TRIM2: variants seen among roughly 807,000 people sequenced by gnomAD.
TRIM2 encodes tripartite motif containing 2.
Under a neutral mutation model 75.2 loss-of-function variants are expected in TRIM2, and 20 were observed. The observed-to-expected ratio is 0.27, with a 90% CI of 0.19 to 0.39. The LOEUF (loss-of-function observed/expected upper bound fraction) is 0.39. Ranked by LOEUF, TRIM2 falls within the 10% of genes least tolerant of loss-of-function variation. The probability of loss-of-function intolerance (pLI) is 1.00; values close to 1 mark genes in which losing one functional copy is unlikely to be tolerated. For synonymous variants in TRIM2, 373 were observed against 388.3 expected (o/e 0.96, Z 0.46); for missense variants, 660 against 990.8 (o/e 0.67, Z 4.48).
In TRIM2 at chr4:153,244,415, T is replaced by C. The variant is rs540635795; in HGVS notation, c.31-25920T>C. ...CTTCTTCTTCTTCTTCTTCTTCTTC[T>C]TCTTCTTCTTCTTCTTCTTCTTTTA... On this transcript the variant is annotated intron_variant, in intron 1 of 11. Coordinates refer to ENST00000338700, the MANE Select transcript of TRIM2 (RefSeq NM_015271.5). Among the ~76,000 whole-genome samples, 70 of 98,316 alleles carry C rather than the reference T, an allele frequency of 7.1e-4. 3 individuals are homozygous for C. Among genetic ancestry groups the C allele is most frequent in the Non-Finnish European group, 1.1e-3 (53 of 50,170 alleles). The allele number at this position is 98,316 out of a possible 152,430, so 64.5% of individuals were successfully genotyped here.
At chr4:153,191,863 C>T (rs1344329850) in intron 1 of TRIM2, among the ~76,000 whole-genome samples, 2 of 152,106 alleles carry the variant, frequency 1.3e-5, no homozygotes, top group African/African-American at 4.8e-5. Context: ...GTCATCGTGC[C>T]GCAAGTTAAG....
chr4:153,257,853 A>T (rs892434279), intron 1 of TRIM2: 2 of 340,018 alleles, frequency 5.9e-6, no homozygotes, highest in African/African-American at 4.3e-5. Flanking sequence ...TTCTCCCTTC[A>T]TCTCTCATGG....
At chr4:153,244,363 C>T (rs1748131558) in intron 1 of TRIM2, among the ~76,000 whole-genome samples, 2 of 36,370 alleles carry the variant, frequency 5.5e-5, no homozygotes, top group African/African-American at 4.5e-4. Flanking sequence ...TCCTCTTCTT[C>T]TTCTTCTTCT....
chr4:153,155,600 T>G (rs763487599), intron 1 of TRIM2, among the ~76,000 whole-genome samples: 9 of 152,088 alleles, frequency 5.9e-5, no homozygotes, highest in Non-Finnish European at 1.0e-4. Flanking sequence ...AATGAAAAAC[T>G]TACAAAATGG....
chr4:153,223,093 G>C (rs1243596336), intron 1 of TRIM2: 2 of 152,198 alleles, frequency 1.3e-5, no homozygotes, highest in African/African-American at 2.4e-5. Flanking sequence ...GGCAAGGTCC[G>C]GTGGCCGGAG....
chr4:153,211,295 A>G (rs529659871), intron 1 of TRIM2, among the ~76,000 whole-genome samples: 11 of 152,158 alleles, frequency 7.2e-5, no homozygotes, highest in African/African-American at 2.6e-4. Flanking sequence ...TGTCCTTTCT[A>G]GGAATTGGGG....
intron 1 of TRIM2, among the ~76,000 whole-genome samples, chr4:153,221,172 A>G (rs1739866558): frequency 6.6e-6 from 1 of 152,248 alleles, no homozygotes; most frequent in East Asian, 1.9e-4. Flanking sequence ...AAAGTCATGA[A>G]GTACTGACAC....
intron 11 of TRIM2, among the ~76,000 whole-genome samples, chr4:153,331,457 T>C (rs189916817): frequency 6.6e-6 from 1 of 152,278 alleles, no homozygotes; most frequent in East Asian, 1.9e-4. Flanking sequence ...ATATTCAATA[T>C]TTGTATGCTG....
chr4:153,337,217 A>T lies in TRIM2; in HGVS notation c.*2251A>T, dbSNP rs1772550481. On this transcript the variant is annotated 3_prime_UTR_variant, in exon 12 of 12. Transcript: ENST00000338700. ...TTTTCACAAGTAAAAATGGCTTTTT[A>T]TTTAGATTCTTTCTGTCCCAGGCTG... 1.0e-6 allele frequency: 1 copy of T among 985,482 alleles called. No individual in the cohort carries two copies. The highest frequency in any genetic ancestry group is 1.1e-4 in the East Asian group (1 of 8,822). 61.0% of individuals were successfully genotyped at this position (985,482 alleles called of 1,614,324 possible). A position where few individuals can be genotyped will look rare whatever the true frequency, so the allele number is the denominator to read the frequency against.
intron 1 of TRIM2, among the ~76,000 whole-genome samples, chr4:153,205,561 G>T (rs1057345176): frequency 6.6e-6 from 1 of 152,146 alleles, no homozygotes; most frequent in Non-Finnish European, 1.5e-5. Flanking sequence ...TAAGTTTCTG[G>T]TGAGCCCCGT....
chr4:153,306,986 C>T (rs1765148248), intron 6 of TRIM2, among the ~76,000 whole-genome samples: 3 of 152,190 alleles, frequency 2.0e-5, no homozygotes, highest in African/African-American at 7.2e-5. Context: ...TGCCCTTTAA[C>T]TATTTGGTTT....
intron 1 of TRIM2, among the ~76,000 whole-genome samples, chr4:153,164,526 A>G (rs916459260): frequency 6.6e-6 from 1 of 152,118 alleles, no homozygotes. Context: ...CAAATAAGTA[A>G]TATATTTACA....
chr4:153,239,215 C>G (rs4696177), intron 1 of TRIM2, among the ~76,000 whole-genome samples: 45,072 of 151,608 alleles, frequency 0.3, 9,648 homozygotes, highest in African/African-American at 0.61. Flanking sequence ...AGCCAGGCGT[C>G]GTGGCGGGCA....
intron 1 of TRIM2, among the ~76,000 whole-genome samples, chr4:153,244,251 CTTT>C (rs1224921139): frequency 5.1e-4 from 39 of 76,964 alleles, no homozygotes; most frequent in East Asian, 1.7e-3. Flanking sequence ...CCTTCCTCTT[CTTT>C]CCTCCTCCTC....
intron 1 of TRIM2, among the ~76,000 whole-genome samples, chr4:153,213,363 A>AT (rs1004299039): frequency 6.6e-6 from 1 of 152,224 alleles, no homozygotes; most frequent in East Asian, 1.9e-4. Context: ...ACTTGTTTCA[A>AT]TTTTTTTCTA....
At chr4:153,260,697 C>CA (rs1560902857) in intron 1 of TRIM2, among the ~76,000 whole-genome samples, 2 of 45,504 alleles carry the variant, frequency 4.4e-5, no homozygotes, top group Admixed American at 2.1e-4. Flanking sequence ...CCCACCCCCC[C>CA]CCCCACACAC....
chr4:153,281,288 A>T (rs555666599), intron 3 of TRIM2, among the ~76,000 whole-genome samples: 59 of 152,358 alleles, frequency 3.9e-4, no homozygotes, highest in African/African-American at 1.4e-3. Context: ...AGTGTTTTAT[A>T]CAGCCTCTCA....
Position 153,249,431 on chromosome 4 carries a change from A to G in TRIM2, c.31-20904A>G, listed in dbSNP as rs1416850792. On this transcript the variant is annotated intron_variant, in intron 1 of 11. Transcript: ENST00000338700. Reference sequence around the variant, plus strand: ...CCAGGTCGGTGGTTATGACCGCAGGATGGAATCGTAGAGGTCGGGTGATTT... The same window carrying G: ...CCAGGTCGGTGGTTATGACCGCAGGGTGGAATCGTAGAGGTCGGGTGATTT... Among the ~76,000 whole-genome samples the G allele has an allele frequency of 1.3e-5, 2 of 152,226 alleles. 1 individual carries two copies. Among genetic ancestry groups the G allele is most frequent in the South Asian group, 4.1e-4 (2 of 4,828 alleles).
chr4:153,316,770 G>A (rs1185343723), intron 8 of TRIM2, among the ~76,000 whole-genome samples: 7 of 149,866 alleles, frequency 4.7e-5, no homozygotes, highest in African/African-American at 7.4e-5. Context: ...CTTATGAAGT[G>A]TCATCAAAGA....
Sources: gnomAD v4.1 joint callset for allele counts (sites outside exome capture counted in the v4.1 genomes callset) on GRCh38, gnomAD v4.1.1 for gene constraint, MANE v1.5 for transcripts, NCBI Gene and HGNC (gene_info 2026-07-23, HGNC 2026-07-21) for gene names.